OSBPL2: variants seen among roughly 807,000 people sequenced by gnomAD.
OSBPL2 encodes oxysterol-binding protein-related protein 2.
A neutral mutation model predicts 58.4 loss-of-function variants in OSBPL2; 18 were observed. The observed-to-expected ratio is 0.31, with a 90% CI of 0.21 to 0.46. The LOEUF (loss-of-function observed/expected upper bound fraction) is 0.46, where lower values mean the gene tolerates loss of function less well. Ranked by LOEUF, OSBPL2 falls within the 20% of genes least tolerant of loss-of-function variation. OSBPL2 has a pLI of 1.00. For synonymous variants in OSBPL2, 221 were observed against 234.1 expected, an observed-to-expected ratio of 0.94 and a Z score of 0.51; for missense variants, 461 against 616.5, an observed-to-expected ratio of 0.75 and a Z score of 2.67.
chr20:62,251,302 C>G (rs1381427902), intron 1 of OSBPL2, among the ~76,000 whole-genome samples: 1 of 151,890 alleles, frequency 6.6e-6, no homozygotes, highest in East Asian at 1.9e-4. Context: ...GATCCACCCG[C>G]CTTGGCCTCG....
At chr20:62,285,053 T>C (rs769899833) in intron 10 of OSBPL2, 1 of 152,154 alleles carries the variant, frequency 6.6e-6, no homozygotes, top group Non-Finnish European at 1.5e-5. Flanking sequence ...TCAAAAGAGG[T>C]GTCCTATTTT....
At chr20:62,245,540 T>C (rs1383033878) in intron 1 of OSBPL2, among the ~76,000 whole-genome samples, 2 of 152,230 alleles carry the variant, frequency 1.3e-5, no homozygotes, top group Admixed American at 6.5e-5. Flanking sequence ...AGCGCAGACC[T>C]AGAGCCAGCT....
intron 7 of OSBPL2, chr20:62,279,899 A>C: frequency 7.9e-7 from 1 of 1,261,424 alleles, no homozygotes; most frequent in Non-Finnish European, 1.0e-6. Flanking sequence ...CCCTGTGCTC[A>C]TGTGGCAGGG....
At position 62,272,411 on chromosome 20, in the gene OSBPL2, G is replaced by T. The variant is rs563396183; in HGVS notation, c.393+152G>T. On this transcript the variant is annotated intron_variant, in intron 5 of 13. Coordinates refer to ENST00000313733, the MANE Select transcript of OSBPL2 (RefSeq NM_144498.4). Reference sequence around the variant, plus strand: ...ATCCTGCCTGGCGGTCGTGGCATTTGTCCTGTCACCACAGGTGTGTGATGA... The same window carrying T: ...ATCCTGCCTGGCGGTCGTGGCATTTTTCCTGTCACCACAGGTGTGTGATGA... 21 of 833,680 alleles carry T rather than the reference G, an allele frequency of 2.5e-5. 1 individual carries two copies. Among genetic ancestry groups the T allele is most frequent in the East Asian group, 1.1e-4 (4 of 36,454 alleles). The allele number at this position is 833,680 out of a possible 1,614,324, so 51.6% of individuals were successfully genotyped here. A position where few individuals can be genotyped will look rare whatever the true frequency, so the allele number is the denominator to read the frequency against.
At chr20:62,241,258 A>G (rs556635999) in intron 1 of OSBPL2, among the ~76,000 whole-genome samples, 1 of 151,750 alleles carries the variant, frequency 6.6e-6, no homozygotes, top group East Asian at 2.0e-4. Context: ...GCAAACGCGA[A>G]CTCAGCTCAC....
At chr20:62,279,589 C>T (rs1982645091) in intron 7 of OSBPL2, 1 of 544,456 alleles carries the variant, frequency 1.8e-6, no homozygotes, top group African/African-American at 1.9e-5. Flanking sequence ...TGACCAGGGT[C>T]CCATGTTGCT....
At chr20:62,248,257 C>T (rs1208183729) in intron 1 of OSBPL2, among the ~76,000 whole-genome samples, 4 of 148,526 alleles carry the variant, frequency 2.7e-5, no homozygotes, top group Admixed American at 1.4e-4. Context: ...CAGGTTCAAG[C>T]GATTCTCCCA....
At chr20:62,245,159 C>T (rs1174311067) in intron 1 of OSBPL2, among the ~76,000 whole-genome samples, 3 of 150,598 alleles carry the variant, frequency 2.0e-5, no homozygotes, top group South Asian at 4.2e-4. Flanking sequence ...AGTGCAGTGG[C>T]GCGATCTCGG....
intron 1 of OSBPL2, among the ~76,000 whole-genome samples, chr20:62,249,869 T>C (rs1980405530): frequency 6.6e-6 from 1 of 152,214 alleles, no homozygotes; most frequent in Admixed American, 6.5e-5. Flanking sequence ...CCACCACACC[T>C]GGCCCCACCC....
At chr20:62,244,156 C>G (rs1979931125) in intron 1 of OSBPL2, among the ~76,000 whole-genome samples, 2 of 152,218 alleles carry the variant, frequency 1.3e-5, no homozygotes, top group Admixed American at 1.3e-4. Context: ...CTGGGGAAGG[C>G]CGGGAGCCCT....
Position 62,288,378 on chromosome 20 carries a change from C to T in OSBPL2, c.1126-829C>T, listed in dbSNP as rs1026158538. 2.7e-5 allele frequency among the ~76,000 whole-genome samples: 4 copies of T among 150,702 alleles called. No individual in the cohort carries two copies. Among genetic ancestry groups the T allele is most frequent in the South Asian group, 2.1e-4 (1 of 4,732 alleles). ...CCAGGGCCCTGAGGGCTGCAGAGGC[C>T]GGAGGCTGTGGGTGCAGAGGCTGGG... On this transcript the variant is annotated intron_variant, in intron 11 of 13. Transcript: ENST00000313733. This position sits in a 1 kb window ranked among gnomAD's most constrained non-coding sequence, Gnocchi z 4.8.
At chr20:62,291,052 G>A (rs1983475646) in intron 12 of OSBPL2, among the ~76,000 whole-genome samples, 1 of 152,070 alleles carries the variant, frequency 6.6e-6, no homozygotes. Context: ...TTATAGAGAT[G>A]GGGTTTTGCC....
In OSBPL2 at chr20:62,279,149, T is replaced by C. The variant is rs1438761445; in HGVS notation, c.492-8T>C. On this transcript the variant is annotated splice_region_variant and splice_polypyrimidine_tract_variant and intron_variant, in intron 6 of 13. Transcript: ENST00000313733. The stretch of plus-strand genomic sequence containing the variant: ...TAATGTGTCTCTCTTTTTTATTCTT[T>C]GACCTAGGGAAGATTTAGGATTCAG... 2.5e-6 allele frequency: 4 copies of C among 1,600,456 alleles called. No individual in the cohort carries two copies. The highest frequency in any genetic ancestry group is 2.7e-5 in the African/African-American group (2 of 74,340).
chr20:62,278,996 G>A (rs1316775606), intron 6 of OSBPL2, 161 bp from the exon 7 acceptor site: 1 of 603,034 alleles, frequency 1.7e-6, no homozygotes, highest in Admixed American at 3.2e-5. Flanking sequence ...TAGGCCAAGT[G>A]CAATGTCGGA....
intron 7 of OSBPL2, chr20:62,280,141 C>T: frequency 7.7e-7 from 1 of 1,300,862 alleles, no homozygotes; most frequent in Non-Finnish European, 1.0e-6. Flanking sequence ...TGCCAAGCCA[C>T]TGCCTGCAGT....
In OSBPL2 at chr20:62,280,204, G is replaced by A. The variant is rs986906034; in HGVS notation, c.675-854G>A. On this transcript the variant is annotated intron_variant, in intron 7 of 13. Transcript: ENST00000313733. Reference sequence around the variant, plus strand: ...ATACATACAGAAATAAGTAATAAACGACACCTTGCCTGATGAAGCATTTGA... The same window carrying A: ...ATACATACAGAAATAAGTAATAAACAACACCTTGCCTGATGAAGCATTTGA... 1.2e-5 allele frequency: 12 copies of A among 969,520 alleles called. No individual in the cohort carries two copies. The African/African-American group carries it at 1.9e-4, about 15-fold the overall frequency. 60.1% of individuals were successfully genotyped at this position (969,520 alleles called of 1,614,324 possible).
At chr20:62,280,272 GA>G (rs758189620) in intron 7 of OSBPL2, 1 of 467,488 alleles carries the variant, frequency 2.1e-6, no homozygotes, top group East Asian at 7.1e-5. Context: ...ATGGTGGCTA[GA>G]AGGTTCCACA....
intron 6 of OSBPL2, among the ~76,000 whole-genome samples, chr20:62,274,880 A>T (rs772466374): frequency 6.6e-6 from 1 of 152,208 alleles, no homozygotes; most frequent in Non-Finnish European, 1.5e-5. Context: ...TTTTTCTGTG[A>T]AAAAGGGAGT....
intron 1 of OSBPL2, among the ~76,000 whole-genome samples, chr20:62,244,496 A>G (rs1481547357): frequency 6.6e-6 from 1 of 151,332 alleles, no homozygotes; most frequent in African/African-American, 2.4e-5. Flanking sequence ...TTGCCTTCCC[A>G]CCCAGTCTCG....
Sources: allele counts gnomAD v4.1 joint callset (sites outside exome capture counted in the v4.1 genomes callset), GRCh38; gene constraint gnomAD v4.1.1; non-coding constraint Gnocchi (gnomAD v3.1); transcripts MANE v1.5; gene names NCBI Gene and HGNC (gene_info 2026-07-23, HGNC 2026-07-21).